Variants in MYO3A observed in about 807,000 individuals in gnomAD.
MYO3A encodes myosin-IIIa.
Under a neutral mutation model 192.7 loss-of-function variants are expected in MYO3A, and 180 were observed. The ratio of observed to expected loss-of-function variants is 0.93; its 90% CI spans 0.83 to 1.06. The LOEUF (loss-of-function observed/expected upper bound fraction) is 1.06, where lower values mean the gene tolerates loss of function less well. MYO3A is among the 50% of genes least tolerant of loss of function. MYO3A has a pLI of 0.00. For missense variants in MYO3A, 1,896 were observed against 1,905.0 expected (o/e 1.00, Z 0.09); for synonymous variants, 628 against 645.3 (o/e 0.97, Z 0.41).
chr10:26,022,335 A>G (rs1350254228), intron 8 of MYO3A: 1 of 152,150 alleles, frequency 6.6e-6, no homozygotes, highest in East Asian at 1.9e-4. Context: ...AAGACTGCCT[A>G]TATTTATTAA....
intron 6 of MYO3A, among the ~76,000 whole-genome samples, chr10:26,015,722 A>G (rs1841948779): frequency 6.6e-6 from 1 of 152,164 alleles, no homozygotes; most frequent in Non-Finnish European, 1.5e-5. Flanking sequence ...TCACTTGTTC[A>G]TAGTTGGGCA....
chr10:26,195,102 C>A (rs1843343894), intron 32 of MYO3A, among the ~76,000 whole-genome samples: 1 of 152,150 alleles, frequency 6.6e-6, no homozygotes, highest in Non-Finnish European at 1.5e-5. Flanking sequence ...CACCCCCTGC[C>A]CCAAGCTCTA....
At chr10:26,104,493 A>G (rs1837667725) in intron 17 of MYO3A, among the ~76,000 whole-genome samples, 1 of 152,142 alleles carries the variant, frequency 6.6e-6, no homozygotes, top group African/African-American at 2.4e-5. Flanking sequence ...CCACAAATAT[A>G]TAGGTTTATT....
At chr10:26,209,427 ATAG>A (rs1844122210) in intron 34 of MYO3A, among the ~76,000 whole-genome samples, 1 of 152,230 alleles carries the variant, frequency 6.6e-6, no homozygotes, top group African/African-American at 2.4e-5. Context: ...GCTCTTCAGT[ATAG>A]TAAATGAATA....
At chr10:26,130,173 T>C (rs1264008065) in intron 20 of MYO3A, among the ~76,000 whole-genome samples, 11 of 152,084 alleles carry the variant, frequency 7.2e-5, no homozygotes, top group East Asian at 1.9e-4. Context: ...GGGGTGGTGT[T>C]GGCTGACTGC....
chr10:25,947,389 C>CTTTTTTTTTTTT (rs869281200), intron 2 of MYO3A, among the ~76,000 whole-genome samples: 91 of 91,842 alleles, frequency 9.9e-4, no homozygotes, highest in Non-Finnish European at 1.2e-3. Flanking sequence ...TTTTCTTTTT[C>CTTTTTTTTTTTT]TTTTTTTTTT....
Position 25,954,856 on chromosome 10 carries a change from A to G in MYO3A, c.169-18A>G, listed in dbSNP as rs1047163777. ...ATGGTTTTCTCACAGTTCTATTCTT[A>G]TGACTTTTTGAAACTAGGATATTGA... On this transcript the variant is annotated intron_variant, in intron 3 of 34. Transcript: ENST00000642920. 1.9e-6 allele frequency: 3 copies of G among 1,609,182 alleles called. No homozygotes were observed. In the African/African-American group the frequency reaches 4.0e-5, roughly 22 times the overall value.
Position 25,951,565 on chromosome 10 carries a change from G to T in MYO3A, c.-17-529G>T, listed in dbSNP as rs184443758. 7.9e-5 allele frequency among the ~76,000 whole-genome samples: 12 copies of T among 152,222 alleles called. No homozygotes were observed. The East Asian group carries it at 1.9e-3, about 24-fold the overall frequency. On this transcript the variant is annotated intron_variant, in intron 2 of 34. Coordinates refer to ENST00000642920, the MANE Select transcript of MYO3A (RefSeq NM_017433.5). ...ATCATAGTATATGAGAGAAGAGGCT[G>T]GAACATTAAGCAAAGGCCATATTTT...
intron 10 of MYO3A, among the ~76,000 whole-genome samples, chr10:26,049,669 CTTTCTTTT>C (rs1444768316): frequency 4.5e-4 from 34 of 75,414 alleles, no homozygotes; most frequent in African/African-American, 1.1e-3. Context: ...TTCTTTCTTT[CTTTCTTTT>C]TTTTTTTTTT....
chr10:25,948,583 A>G (rs1423454211), intron 2 of MYO3A, among the ~76,000 whole-genome samples: 1 of 152,130 alleles, frequency 6.6e-6, no homozygotes, highest in Non-Finnish European at 1.5e-5. Flanking sequence ...ATGCTAAAGT[A>G]TTAGGGAAAA....
intron 20 of MYO3A, among the ~76,000 whole-genome samples, chr10:26,134,711 C>G (rs1354752140): frequency 6.6e-6 from 1 of 152,018 alleles, no homozygotes; most frequent in South Asian, 2.1e-4. Flanking sequence ...AAAACATACT[C>G]AGTTCATCCT....
At position 26,016,830 on chromosome 10, in the gene MYO3A, A is replaced by G; in HGVS notation, c.519A>G (p.Ala173=). The part of the protein sequence containing the change: ...GVKLVDFGVS[A]QLTSTRHRRN... ...TGTCTCTTCCTCTAGGTGTGTCTGC[A>G]CAGCTCACCAGTACCCGGCACCGTC... Residue 173 remains alanine, a synonymous_variant, in exon 7 of 35, where the codon GCA becomes GCG. Coordinates refer to ENST00000642920, the MANE Select transcript of MYO3A (RefSeq NM_017433.5). 2 of 1,614,198 alleles carry G rather than the reference A, an allele frequency of 1.2e-6. No homozygotes were observed. Among genetic ancestry groups the G allele is most frequent in the South Asian group, 1.1e-5 (1 of 91,082 alleles).
chr10:26,171,492 C>A (rs758035956), intron 29 of MYO3A, among the ~76,000 whole-genome samples: 15 of 152,218 alleles, frequency 9.9e-5, no homozygotes, highest in Non-Finnish European at 2.1e-4. Flanking sequence ...TTCCCCTCAC[C>A]TTCACCCACA....
At chr10:26,163,473 G>A (rs977430308) in intron 26 of MYO3A, among the ~76,000 whole-genome samples, 2 of 152,200 alleles carry the variant, frequency 1.3e-5, no homozygotes, top group African/African-American at 4.8e-5. Context: ...GGTGAGAAGG[G>A]ATGAGGTATT....
At chr10:26,087,809 G>T (rs1564535206) in intron 14 of MYO3A, among the ~76,000 whole-genome samples, 1 of 152,090 alleles carries the variant, frequency 6.6e-6, no homozygotes, top group Non-Finnish European at 1.5e-5. Flanking sequence ...TAGTTTCAGG[G>T]TTAGCAGCTT....
chr10:25,960,179 TA>T (rs1837836325), intron 4 of MYO3A, among the ~76,000 whole-genome samples: 1 of 152,158 alleles, frequency 6.6e-6, no homozygotes, highest in Admixed American at 6.6e-5. Flanking sequence ...TTTATTCCTT[TA>T]CTAGTGTTTT....
chr10:26,017,025 G>A (rs148652845), intron 7 of MYO3A, 129 bp downstream of exon 7: 3 of 1,066,892 alleles, frequency 2.8e-6, no homozygotes, highest in South Asian at 2.7e-5. Context: ...TTATTTTCAT[G>A]TGAGAATTTT....
chr10:25,969,326 C>A (rs1838471223), intron 4 of MYO3A, among the ~76,000 whole-genome samples: 1 of 152,146 alleles, frequency 6.6e-6, no homozygotes, highest in Admixed American at 6.5e-5. Context: ...CTTACTGTAC[C>A]TAGTTTATAA....
At chr10:25,990,135 A>T (rs1367262980) in intron 4 of MYO3A, among the ~76,000 whole-genome samples, 2 of 152,134 alleles carry the variant, frequency 1.3e-5, no homozygotes, top group African/African-American at 4.8e-5. Context: ...ACTTTGGAGA[A>T]CCCAGATGTG....
Sources: allele counts gnomAD v4.1 joint callset (sites outside exome capture counted in the v4.1 genomes callset), GRCh38; gene constraint gnomAD v4.1.1; transcripts MANE v1.5; gene names NCBI Gene and HGNC (gene_info 2026-07-23, HGNC 2026-07-21).